Variants in SLC35F3 observed in about 807,000 individuals in gnomAD.
SLC35F3 encodes putative thiamine transporter SLC35F3.
Under a neutral mutation model 49.9 loss-of-function variants are expected in SLC35F3, and 25 were observed. The ratio of observed to expected loss-of-function variants is 0.50; its 90% CI spans 0.37 to 0.70. The LOEUF (loss-of-function observed/expected upper bound fraction) is 0.70, where lower values mean the gene tolerates loss of function less well. Ranked by LOEUF, SLC35F3 falls within the 30% of genes least tolerant of loss-of-function variation. The pLI is 0.00. For missense variants in SLC35F3, 525 were observed against 639.8 expected (o/e 0.82, Z 1.94); for synonymous variants, 275 against 265.4 (o/e 1.04, Z -0.35).
intron 2 of SLC35F3, among the ~76,000 whole-genome samples, chr1:234,170,290 G>A (rs16842702): frequency 0.12 from 18,885 of 152,146 alleles, 3,876 homozygotes; most frequent in African/African-American, 0.43. Flanking sequence ...ACGGCAGCTC[G>A]TAGGGGTTAA....
At chr1:234,216,204 G>A (rs894280297) in intron 2 of SLC35F3, among the ~76,000 whole-genome samples, 1 of 152,190 alleles carries the variant, frequency 6.6e-6, no homozygotes, top group African/African-American at 2.4e-5. Context: ...GAAGCAGGGA[G>A]TGAGTGTCTG....
chr1:233,966,644 TAAC>T (rs1190512871), intron 2 of SLC35F3, among the ~76,000 whole-genome samples: 1 of 152,134 alleles, frequency 6.6e-6, no homozygotes, highest in Admixed American at 6.5e-5. Context: ...AAAAAAATAA[TAAC>T]ATTAGGAAAG....
chr1:234,234,161 GA>G (rs1558268635), intron 3 of SLC35F3, among the ~76,000 whole-genome samples: 1 of 152,126 alleles, frequency 6.6e-6, no homozygotes, highest in African/African-American at 2.4e-5. Context: ...ATGCCAGAGA[GA>G]AGATTTTGAT....
intron 2 of SLC35F3, among the ~76,000 whole-genome samples, chr1:233,919,654 G>A (rs985822770): frequency 3.3e-5 from 5 of 152,130 alleles, no homozygotes; most frequent in Non-Finnish European, 7.4e-5. Context: ...ATTGCATTTT[G>A]TGTACTTGGT....
At chr1:234,116,568 A>G (rs61822410) in intron 2 of SLC35F3, among the ~76,000 whole-genome samples, 20,766 of 149,850 alleles carry the variant, frequency 0.14, 3,136 homozygotes, top group East Asian at 0.81. Context: ...CTGGAGTGCA[A>G]TGGCGCAATC....
intron 3 of SLC35F3, among the ~76,000 whole-genome samples, chr1:234,265,462 T>C (rs1667965727): frequency 6.6e-6 from 1 of 151,916 alleles, no homozygotes; most frequent in African/African-American, 2.4e-5. Flanking sequence ...TGTGAGCCAC[T>C]GCATCCAGCC....
At chr1:234,073,216 A>G (rs1452423072) in intron 2 of SLC35F3, among the ~76,000 whole-genome samples, 1 of 152,128 alleles carries the variant, frequency 6.6e-6, no homozygotes, top group Non-Finnish European at 1.5e-5. Context: ...TGATCATAGC[A>G]CACTGCAGCC....
chr1:234,058,084 T>TA (rs1664481573), intron 2 of SLC35F3, among the ~76,000 whole-genome samples: 7 of 152,104 alleles, frequency 4.6e-5, no homozygotes, highest in Non-Finnish European at 1.0e-4. Flanking sequence ...TGGGTTTGCA[T>TA]ACATACCCTT....
chr1:234,068,297 C>G (rs1389118732), intron 2 of SLC35F3, among the ~76,000 whole-genome samples: 1 of 152,140 alleles, frequency 6.6e-6, no homozygotes, highest in African/African-American at 2.4e-5. Flanking sequence ...TCTGTCCCTG[C>G]CTTTTGGTTT....
chr1:233,987,875 C>T (rs1404460478), intron 2 of SLC35F3, among the ~76,000 whole-genome samples: 1 of 152,048 alleles, frequency 6.6e-6, no homozygotes, highest in Non-Finnish European at 1.5e-5. Flanking sequence ...TTATTTCTTC[C>T]CTCCTGATAC....
In SLC35F3 at chr1:234,214,762, T is replaced by A; in HGVS notation, c.284-16655T>A. 3 of 742,890 alleles carry A rather than the reference T, an allele frequency of 4.0e-6. No individual in the cohort carries two copies. Among genetic ancestry groups the A allele is most frequent in the Non-Finnish European group, 5.9e-6 (3 of 507,928 alleles). 46.0% of individuals were successfully genotyped at this position (742,890 alleles called of 1,614,324 possible). On this transcript the variant is annotated intron_variant, in intron 2 of 7. Coordinates refer to ENST00000366618, the MANE Select transcript of SLC35F3 (RefSeq NM_173508.4). This position sits in a 1 kb window ranked among gnomAD's most constrained non-coding sequence, Gnocchi z 8.0. ...GGCAGCTTCAGGGGCTGCCCTGAGC[T>A]CCCTGGCGAGCAGGAGTGAGCTGCT... is the stretch of plus-strand genomic sequence containing the variant.
At chr1:234,317,610 AT>A (rs1346458649) in intron 5 of SLC35F3, among the ~76,000 whole-genome samples, 6 of 152,176 alleles carry the variant, frequency 3.9e-5, no homozygotes, top group African/African-American at 1.4e-4. Flanking sequence ...TGTGAGTACC[AT>A]GTGTTCTGGG....
intron 2 of SLC35F3, among the ~76,000 whole-genome samples, chr1:234,149,086 C>T (rs190789309): frequency 6.6e-6 from 1 of 152,136 alleles, no homozygotes; most frequent in Admixed American, 6.5e-5. Flanking sequence ...CAGGTGGGAA[C>T]ACACATGTAG....
intron 2 of SLC35F3, among the ~76,000 whole-genome samples, chr1:234,074,044 T>C (rs1398301021): frequency 6.6e-6 from 1 of 152,198 alleles, no homozygotes; most frequent in East Asian, 1.9e-4. Flanking sequence ...TCTTCTACTG[T>C]TTTTCTATTA....
At chr1:234,280,221 A>T (rs1668300864) in intron 3 of SLC35F3, among the ~76,000 whole-genome samples, 1 of 152,232 alleles carries the variant, frequency 6.6e-6, no homozygotes, top group African/African-American at 2.4e-5. Flanking sequence ...TTCTCAGCCC[A>T]TGGCTTCCCC....
rs140485299 is a variant in SLC35F3, at chr1:234,227,038, C to T, written c.284-4379C>T. On this transcript the variant is annotated intron_variant, in intron 2 of 7. Coordinates refer to ENST00000366618, the MANE Select transcript of SLC35F3 (RefSeq NM_173508.4). ...CAGAACTGGGATGAACCCGCCTGTC[C>T]TCCAGCATTTATGGATGAATTAAGT... is the stretch of plus-strand genomic sequence containing the variant. 9.5e-4 allele frequency among the ~76,000 whole-genome samples: 144 copies of T among 152,224 alleles called. 1 individual carries two copies. The highest frequency in any genetic ancestry group is 4.8e-3 in the South Asian group (23 of 4,810).
chr1:233,928,444 A>G (rs909151367), intron 2 of SLC35F3, among the ~76,000 whole-genome samples: 2 of 152,180 alleles, frequency 1.3e-5, no homozygotes, highest in African/African-American at 4.8e-5. Context: ...AGTGATTAAG[A>G]TGATGGACTT....
chr1:234,303,477 G>A (rs1005741910), intron 3 of SLC35F3, among the ~76,000 whole-genome samples: 3 of 152,166 alleles, frequency 2.0e-5, no homozygotes, highest in Non-Finnish European at 2.9e-5. Context: ...CAGCTGCCAC[G>A]TCTTTTTCCT....
At chr1:234,262,544 T>C (rs547359435) in intron 3 of SLC35F3, among the ~76,000 whole-genome samples, 3 of 152,328 alleles carry the variant, frequency 2.0e-5, no homozygotes, top group Middle Eastern at 3.4e-3. Context: ...CAGTTCCACT[T>C]CCTTCTAGGT....
Sources: allele counts gnomAD v4.1 joint callset (sites outside exome capture counted in the v4.1 genomes callset), GRCh38; gene constraint gnomAD v4.1.1; non-coding constraint Gnocchi (gnomAD v3.1); transcripts MANE v1.5; gene names NCBI Gene and HGNC (gene_info 2026-07-23, HGNC 2026-07-21).